Variants in PTPRG observed in about 807,000 individuals in gnomAD.
The protein encoded by PTPRG is receptor-type tyrosine-protein phosphatase gamma.
Under a neutral mutation model 165.3 loss-of-function variants are expected in PTPRG, and 102 were observed. The ratio of observed to expected loss-of-function variants is 0.62; its 90% CI spans 0.53 to 0.73. PTPRG has a LOEUF of 0.73. Ranked by LOEUF, PTPRG falls within the 30% of genes least tolerant of loss-of-function variation. The probability of loss-of-function intolerance (pLI) is 0.00; values close to 1 mark genes in which losing one functional copy is unlikely to be tolerated. For synonymous variants in PTPRG, 675 were observed against 669.5 expected (o/e 1.01, Z -0.13); for missense variants, 1,866 against 1,861.4 (o/e 1.00, Z -0.05).
At chr3:61,714,868 A>C (rs2031736164) in intron 1 of PTPRG, among the ~76,000 whole-genome samples, 1 of 152,174 alleles carries the variant, frequency 6.6e-6, no homozygotes, top group Admixed American at 6.5e-5. Context: ...TCCTGTTTTG[A>C]TATTTTCCAT....
chr3:61,870,317 CT>C (rs10642619), intron 2 of PTPRG, among the ~76,000 whole-genome samples: 217 of 136,318 alleles, frequency 1.6e-3, no homozygotes, highest in Middle Eastern at 3.8e-3. Context: ...AAAAATTATT[CT>C]TTTTTTTTTT....
At chr3:61,570,819 T>C (rs1700037283) in intron 1 of PTPRG, among the ~76,000 whole-genome samples, 1 of 152,228 alleles carries the variant, frequency 6.6e-6, no homozygotes, top group Non-Finnish European at 1.5e-5. Context: ...AAATGAGTTC[T>C]ACCTGTTTTT....
At position 62,292,599 on chromosome 3, in the gene PTPRG, G is replaced by C. The variant is rs1702938679; in HGVS notation, c.4191+43G>C. 11 of 1,595,694 alleles carry C rather than the reference G, an allele frequency of 6.9e-6. No homozygotes were observed. The East Asian group carries it at 2.3e-4, about 33-fold the overall frequency. On this transcript the variant is annotated intron_variant, in intron 29 of 29. Coordinates refer to ENST00000474889, the MANE Select transcript of PTPRG (RefSeq NM_002841.4). ...GTGTAAAACCTGTACTACATCAGTT[G>C]AAACTCAGACTCACAGTTTAGAGCA...
intron 3 of PTPRG, among the ~76,000 whole-genome samples, chr3:61,999,099 T>C (rs1051869432): frequency 2.0e-5 from 3 of 152,028 alleles, no homozygotes; most frequent in Non-Finnish European, 4.4e-5. Flanking sequence ...TAGGCTGGAG[T>C]GCAGTGGCAT....
chr3:61,859,775 A>G (rs1360366198), intron 2 of PTPRG, among the ~76,000 whole-genome samples: 1 of 152,148 alleles, frequency 6.6e-6, no homozygotes, highest in African/African-American at 2.4e-5. Context: ...TGTTGGCCTA[A>G]TTTTAATTAA....
At chr3:61,837,927 T>C (rs2036519020) in intron 2 of PTPRG, among the ~76,000 whole-genome samples, 1 of 152,208 alleles carries the variant, frequency 6.6e-6, no homozygotes, top group African/African-American at 2.4e-5. Flanking sequence ...TGGCCTTCCC[T>C]GTCTTTCTTC....
Position 62,231,219 on chromosome 3 carries a change from A to G in PTPRG, c.2289-6A>G. On this transcript the variant is annotated splice_region_variant and splice_polypyrimidine_tract_variant and intron_variant, in intron 13 of 29. Transcript: ENST00000474889. ...ACCTGTTCTCTTTTGTTTTTTGTCC[A>G]TTTAGAGGGTGTAACAAAATAAAGT... 2 of 1,556,616 alleles carry G rather than the reference A, an allele frequency of 1.3e-6. No individual in the cohort carries two copies. The highest frequency in any genetic ancestry group is 1.2e-5 in the South Asian group (1 of 81,004).
chr3:62,271,197 T>C lies in PTPRG; in HGVS notation c.3010-186T>C, dbSNP rs76945522. On this transcript the variant is annotated intron_variant, in intron 20 of 29. Transcript: ENST00000474889. The surrounding 1 kb of genome is among the most constrained non-coding windows in gnomAD (Gnocchi z 4.1). ...TCTTCTAAGTGATAGTGACACTTCA[T>C]ATCCAGCTTGGTAATGTCTCCAATT... Among the ~76,000 whole-genome samples, 1,914 of 152,340 alleles carry C rather than the reference T, an allele frequency of 0.013. 21 individuals carry two copies. Among genetic ancestry groups the C allele is most frequent in the Non-Finnish European group, 0.016 (1,119 of 68,024 alleles).
intron 2 of PTPRG, among the ~76,000 whole-genome samples, chr3:61,924,330 C>T (rs1187745888): frequency 6.6e-6 from 1 of 152,228 alleles, no homozygotes. Flanking sequence ...TCCATCCTGC[C>T]TACCACCAGC....
chr3:62,145,704 T>G (rs1027023297), intron 6 of PTPRG, among the ~76,000 whole-genome samples: 1 of 152,166 alleles, frequency 6.6e-6, no homozygotes, highest in African/African-American at 2.4e-5. Context: ...CACCTAACCC[T>G]ACCTGGATGT....
intron 2 of PTPRG, chr3:61,753,648 G>A (rs537767079): frequency 1.4e-5 from 6 of 430,854 alleles, no homozygotes; most frequent in South Asian, 3.3e-5. Context: ...GCAGTGCCTC[G>A]ATCTCAGCTC....
At chr3:62,183,077 A>C (rs1172106089) in intron 8 of PTPRG, among the ~76,000 whole-genome samples, 1 of 152,232 alleles carries the variant, frequency 6.6e-6, no homozygotes, top group Non-Finnish European at 1.5e-5. Flanking sequence ...TGGTTTGTCT[A>C]AAACCAAAGC....
chr3:61,662,628 T>TG (rs1396924029), intron 1 of PTPRG, among the ~76,000 whole-genome samples: 1 of 152,060 alleles, frequency 6.6e-6, no homozygotes, highest in African/African-American at 2.4e-5. Flanking sequence ...ACAATAATGG[T>TG]GGGGGTCAGA....
chr3:62,072,547 C>A (rs1366274397), intron 4 of PTPRG, among the ~76,000 whole-genome samples: 2 of 151,866 alleles, frequency 1.3e-5, no homozygotes, highest in African/African-American at 2.4e-5. Context: ...CTGGTGCAAG[C>A]AGTCTATCGG....
intron 28 of PTPRG, among the ~76,000 whole-genome samples, chr3:62,283,465 A>G (rs367577252): frequency 1.3e-5 from 2 of 152,262 alleles, no homozygotes; most frequent in East Asian, 3.9e-4. Flanking sequence ...TTCCACTTTA[A>G]TAAGAAGGAA....
intron 1 of PTPRG, among the ~76,000 whole-genome samples, chr3:61,734,598 G>A (rs75211146): frequency 0.033 from 5,080 of 152,234 alleles, 127 homozygotes; most frequent in African/African-American, 0.063. Flanking sequence ...CATATGCGAT[G>A]TCTTTCTCGT....
intron 5 of PTPRG, among the ~76,000 whole-genome samples, chr3:62,091,138 C>T (rs1397711684): frequency 6.6e-6 from 1 of 152,210 alleles, no homozygotes; most frequent in Non-Finnish European, 1.5e-5. Context: ...ACCATTACTT[C>T]CCCATACCAT....
At chr3:61,971,619 A>T (rs776249326) in intron 2 of PTPRG, among the ~76,000 whole-genome samples, 7 of 152,230 alleles carry the variant, frequency 4.6e-5, no homozygotes, top group Non-Finnish European at 5.9e-5. Context: ...TGTTCCTAGA[A>T]GTTTGACTAC....
At chr3:61,636,613 C>T (rs1009975512) in intron 1 of PTPRG, among the ~76,000 whole-genome samples, 28 of 152,204 alleles carry the variant, frequency 1.8e-4, no homozygotes, top group African/African-American at 6.0e-4. Flanking sequence ...TGAGCCACCA[C>T]GCCCAGCCTT....
Sources: allele counts gnomAD v4.1 joint callset (sites outside exome capture counted in the v4.1 genomes callset), GRCh38; gene constraint gnomAD v4.1.1; non-coding constraint Gnocchi (gnomAD v3.1); transcripts MANE v1.5; gene names NCBI Gene and HGNC (gene_info 2026-07-23, HGNC 2026-07-21).